The following DAOA variants were observed in gnomAD, a reference collection of about 807,000 sequenced individuals.
DAOA encodes the protein D-amino acid oxidase regulator.
Under a neutral mutation model 16.4 loss-of-function variants are expected in DAOA, and 15 were observed. That is an observed-to-expected ratio of 0.91 (90% CI 0.61 to 1.41). DAOA has a LOEUF of 1.41. Among genes scored for constraint, DAOA ranks in the 40% most tolerant of loss-of-function variants. DAOA has a pLI of 0.00. For missense variants in DAOA, 230 were observed against 176.8 expected (o/e 1.30, Z -1.71); for synonymous variants, 75 against 59.1 (o/e 1.27, Z -1.23).
chr13:105,490,241 T>C, intron 5 of DAOA, 49 bp downstream of exon 5: 12 of 932,520 alleles, frequency 1.3e-5, no homozygotes, highest in East Asian at 4.7e-5. Flanking sequence ...TTATGAAATA[T>C]AATTTTTATG....
chr13:105,484,769 C>G (rs1877994651), intron 4 of DAOA, among the ~76,000 whole-genome samples: 1 of 151,964 alleles, frequency 6.6e-6, no homozygotes, highest in Admixed American at 6.6e-5. Flanking sequence ...AGTTTATTTC[C>G]TCCTATACAA....
intron 4 of DAOA, among the ~76,000 whole-genome samples, chr13:105,476,277 CT>C (rs2139182470): frequency 6.6e-6 from 1 of 152,150 alleles, no homozygotes; most frequent in African/African-American, 2.4e-5. Context: ...GAATTTCTCA[CT>C]TTTTTTCCTT....
chr13:105,472,403 T>G, intron 3 of DAOA, 135 bp from the exon 4 acceptor site: 1 of 1,279,802 alleles, frequency 7.8e-7, no homozygotes, highest in Non-Finnish European at 1.0e-6. Flanking sequence ...GAATTTTGTC[T>G]TAACCAAAAA....
At position 105,482,167 on chromosome 13, in the gene DAOA, C is replaced by G. The variant is rs148744569; in HGVS notation, c.282-7734C>G. On this transcript the variant is annotated intron_variant, in intron 4 of 5. Coordinates refer to ENST00000375936, the MANE Select transcript of DAOA (RefSeq NM_172370.5). ...ACCTCCCAGGGTCCCTCCCATGATACGTGGGATTGTGGAAACTACAATTCA... is the reference window on the plus strand; with the variant it reads ...ACCTCCCAGGGTCCCTCCCATGATAGGTGGGATTGTGGAAACTACAATTCA... Among the ~76,000 whole-genome samples, 613 of 152,210 alleles carry G rather than the reference C, an allele frequency of 4.0e-3. 7 individuals carry two copies. Among genetic ancestry groups the G allele is most frequent in the African/African-American group, 0.013 (538 of 41,544 alleles).
At chr13:105,474,367 CGTGT>C (rs953825195) in intron 4 of DAOA, among the ~76,000 whole-genome samples, 2 of 151,542 alleles carry the variant, frequency 1.3e-5, no homozygotes, top group African/African-American at 4.9e-5. Flanking sequence ...TGTGCATGCG[CGTGT>C]GTGTGTGCGT....
intron 4 of DAOA, among the ~76,000 whole-genome samples, chr13:105,481,757 T>G (rs1049886713): frequency 1.3e-5 from 2 of 152,150 alleles, no homozygotes; most frequent in Non-Finnish European, 2.9e-5. Context: ...CATCAGTATT[T>G]AAATATGTTC....
At chr13:105,482,745 A>G (rs766454048) in intron 4 of DAOA, among the ~76,000 whole-genome samples, 6 of 151,990 alleles carry the variant, frequency 3.9e-5, no homozygotes, top group Non-Finnish European at 7.4e-5. Flanking sequence ...TAACCTCGTG[A>G]TCTGCCTGCT....
chr13:105,477,478 C>G (rs1432780379), intron 4 of DAOA, among the ~76,000 whole-genome samples: 1 of 152,188 alleles, frequency 6.6e-6, no homozygotes, highest in African/African-American at 2.4e-5. Context: ...CTTGTAATCC[C>G]ATACTTTGGA....
chr13:105,487,791 GA>G (rs1234545881), intron 4 of DAOA, among the ~76,000 whole-genome samples: 1 of 152,112 alleles, frequency 6.6e-6, no homozygotes, highest in Non-Finnish European at 1.5e-5. Context: ...AATATTTATA[GA>G]AAATTGATCA....
intron 4 of DAOA, among the ~76,000 whole-genome samples, chr13:105,484,533 A>G (rs1877977768): frequency 6.6e-6 from 1 of 152,128 alleles, no homozygotes; most frequent in African/African-American, 2.4e-5. Flanking sequence ...AACTTTCACA[A>G]ATTTTGTCAG....
intron 4 of DAOA, among the ~76,000 whole-genome samples, chr13:105,488,177 T>A (rs1335420225): frequency 6.6e-6 from 1 of 152,224 alleles, no homozygotes; most frequent in Non-Finnish European, 1.5e-5. Context: ...CTTCTTCATT[T>A]GTCTGTCCTC....
intron 4 of DAOA, among the ~76,000 whole-genome samples, chr13:105,487,635 G>A (rs1377706380): frequency 6.6e-6 from 1 of 150,918 alleles, no homozygotes; most frequent in African/African-American, 2.4e-5. Context: ...AATGCTAGAG[G>A]GAATAGAGTA....
rs777618440 is a variant in DAOA at position 105,489,901 on chromosome 13, G to C, written c.282G>C (p.Glu94Asp). ...WVSYLPQPYA[E>D]LEEVSSHVGK... The stretch of plus-strand genomic sequence containing the variant: ...CAACTGAGACCGGATCTCCTTACAG[G>C]CTTGAAGAAGTAAGCAGCCATGTTG... The change falls in exon 5 of 6, where the codon GAG (glutamate) becomes GAC (aspartate). Residue 94 changes from glutamate to aspartate, a missense_variant and splice_region_variant. Physicochemically the swap from Glu to Asp is conservative, Grantham distance 45 (BLOSUM62 2). Coordinates refer to ENST00000375936, the MANE Select transcript of DAOA (RefSeq NM_172370.5). 8 of 1,613,720 alleles carry C rather than the reference G, an allele frequency of 5.0e-6. No individual in the cohort carries two copies. In the East Asian group the frequency reaches 1.3e-4, roughly 27 times the overall value.
At chr13:105,466,453 G>C in intron 2 of DAOA, 121 bp downstream of exon 2, 25 of 1,512,700 alleles carry the variant, frequency 1.7e-5, no homozygotes, top group Non-Finnish European at 2.3e-5. Flanking sequence ...GTCAGGGTTG[G>C]AAGCCTGAGC....
intron 4 of DAOA, among the ~76,000 whole-genome samples, chr13:105,474,717 C>A (rs1009487343): frequency 6.6e-6 from 1 of 151,972 alleles, no homozygotes; most frequent in Non-Finnish European, 1.5e-5. Flanking sequence ...GTTAAGATTG[C>A]AATTACTCTT....
chr13:105,485,293 T>A (rs1878028946), intron 4 of DAOA, among the ~76,000 whole-genome samples: 2 of 152,146 alleles, frequency 1.3e-5, no homozygotes, highest in African/African-American at 4.8e-5. Context: ...AGATCAAACT[T>A]GGCATGTCAA....
At chr13:105,468,186 A>T (rs529280397) in intron 3 of DAOA, among the ~76,000 whole-genome samples, 30 of 152,328 alleles carry the variant, frequency 2.0e-4, no homozygotes, top group African/African-American at 7.0e-4. Flanking sequence ...ACCCACCAGG[A>T]TAACCGAGGT....
Position 105,481,563 on chromosome 13 carries a change from T to A in DAOA, c.282-8338T>A, listed in dbSNP as rs1336563766. Among the ~76,000 whole-genome samples, 5 of 151,976 alleles carry A rather than the reference T, an allele frequency of 3.3e-5. No individual in the cohort carries two copies. In the East Asian group the frequency reaches 9.7e-4, roughly 30 times the overall value. On this transcript the variant is annotated intron_variant, in intron 4 of 5. Transcript: ENST00000375936. ...CTTGCTGCCAAGATCAAAGAGAAAA[T>A]AAAAGCCATAAAAAACAGACTCCCT...
At chr13:105,468,578 C>G (rs1220599772) in intron 3 of DAOA, among the ~76,000 whole-genome samples, 1 of 152,030 alleles carries the variant, frequency 6.6e-6, no homozygotes, top group Non-Finnish European at 1.5e-5. Flanking sequence ...TAAAAAATTA[C>G]AAATGTTAGC....
Sources: gnomAD v4.1 joint callset for allele counts (sites outside exome capture counted in the v4.1 genomes callset) on GRCh38, gnomAD v4.1.1 for gene constraint, MANE v1.5 for transcripts, NCBI Gene and HGNC (gene_info 2026-07-23, HGNC 2026-07-21) for gene names.